The following SLMAP variants were observed in gnomAD, a reference collection of about 807,000 sequenced individuals.
The protein encoded by SLMAP is sarcolemmal membrane-associated protein.
SLMAP carries 44 observed loss-of-function variants against 128.8 expected under a neutral mutation model. The ratio of observed to expected loss-of-function variants is 0.34; its 90% confidence interval spans 0.27 to 0.44. SLMAP has a LOEUF of 0.44. Among genes scored for constraint, SLMAP ranks in the 20% least tolerant of loss-of-function variants. The pLI is 1.00. For missense variants in SLMAP, 787 were observed against 985.3 expected, an observed-to-expected ratio of 0.80 and a Z score of 2.69; for synonymous variants, 327 against 348.8, an observed-to-expected ratio of 0.94 and a Z score of 0.70.
At chr3:57,779,519 A>AC (rs2082583079) in intron 2 of SLMAP, among the ~76,000 whole-genome samples, 1 of 151,746 alleles carries the variant, frequency 6.6e-6, no homozygotes, top group African/African-American at 2.4e-5. Flanking sequence ...AAAAAAAAAA[A>AC]AAAAAACAAA....
chr3:57,879,528 A>G (rs932523525), intron 14 of SLMAP, among the ~76,000 whole-genome samples: 1 of 152,198 alleles, frequency 6.6e-6, no homozygotes, highest in African/African-American at 2.4e-5. Flanking sequence ...GCGGAAAAAA[A>G]GCCTGACACA....
chr3:57,904,508 C>G lies in SLMAP; in HGVS notation c.1502-3376C>G, dbSNP rs183454765. ...ACCTCAGTATACATTTCTTATTTATCTTATGTAACTACCATACAATTCTCA... is the reference window on the plus strand; with the variant it reads ...ACCTCAGTATACATTTCTTATTTATGTTATGTAACTACCATACAATTCTCA... On this transcript the variant is annotated intron_variant, in intron 17 of 24. Transcript: ENST00000671191. Among the ~76,000 whole-genome samples the G allele has an allele frequency of 1.7e-4, 26 of 152,338 alleles. No homozygotes were observed. In the East Asian group the frequency reaches 4.4e-3, roughly 26 times the overall value.
intron 17 of SLMAP, 84 bp from the exon 18 acceptor site, chr3:57,907,800 A>C (rs1375498218): frequency 1.5e-6 from 2 of 1,338,250 alleles, no homozygotes; most frequent in East Asian, 2.5e-5. Flanking sequence ...TGCATGTGCA[A>C]ACATGAGAGA....
chr3:57,839,368 T>C (rs900318419), intron 3 of SLMAP, among the ~76,000 whole-genome samples: 2 of 152,104 alleles, frequency 1.3e-5, no homozygotes, highest in African/African-American at 4.8e-5. Flanking sequence ...TATTACTTCA[T>C]GTTTATAATA....
At chr3:57,856,664 TG>T (rs144769092) in intron 6 of SLMAP, among the ~76,000 whole-genome samples, 8,686 of 152,266 alleles carry the variant, frequency 0.057, 357 homozygotes, top group Non-Finnish European at 0.092. Context: ...TTACAGTTAA[TG>T]TTTTTTTCTT....
chr3:57,776,528 T>C (rs149181868), intron 2 of SLMAP, among the ~76,000 whole-genome samples: 4 of 120,776 alleles, frequency 3.3e-5, no homozygotes, highest in Middle Eastern at 4.2e-3. Flanking sequence ...CTCTCTTTTT[T>C]TTTTTTTTTT....
intron 2 of SLMAP, among the ~76,000 whole-genome samples, chr3:57,826,088 C>G (rs543844811): frequency 2.0e-5 from 3 of 152,216 alleles, no homozygotes; most frequent in Non-Finnish European, 4.4e-5. Flanking sequence ...TTTATTTACT[C>G]TAAGGCATTA....
chr3:57,848,150 T>C (rs1474233042), intron 5 of SLMAP, among the ~76,000 whole-genome samples: 2 of 152,064 alleles, frequency 1.3e-5, no homozygotes, highest in Non-Finnish European at 2.9e-5. Context: ...GTAGTCCTTC[T>C]TCCTTCTTCT....
chr3:57,768,821 G>A (rs2080239527), intron 2 of SLMAP, among the ~76,000 whole-genome samples: 1 of 151,968 alleles, frequency 6.6e-6, no homozygotes, highest in African/African-American at 2.4e-5. Context: ...TAAAAAAAAA[G>A]ACTGAGGTCC....
rs765710900 is a variant in SLMAP, at chr3:57,865,169, C to T, written c.1187-73C>T. Reference sequence around the variant, plus strand: ...TCTTAATCTTAGGAATGCAGAATGCCATGGTTACACTTGAGACCACATTTA... The same window carrying T: ...TCTTAATCTTAGGAATGCAGAATGCTATGGTTACACTTGAGACCACATTTA... On this transcript the variant is annotated intron_variant, in intron 12 of 24. Transcript: ENST00000671191. 2.3e-5 allele frequency: 18 copies of T among 773,562 alleles called. 1 individual carries two copies. In the African/African-American group the frequency reaches 2.7e-4, roughly 11 times the overall value. 47.9% of individuals were successfully genotyped at this position (773,562 alleles called of 1,614,324 possible).
intron 22 of SLMAP, chr3:57,918,176 G>C (rs1221546305): frequency 6.6e-6 from 1 of 152,064 alleles, no homozygotes; most frequent in East Asian, 1.9e-4. Flanking sequence ...TATTTGGTTG[G>C]AACACAAATT....
intron 6 of SLMAP, among the ~76,000 whole-genome samples, chr3:57,850,874 A>G (rs1027407738): frequency 1.6e-4 from 24 of 152,070 alleles, no homozygotes; most frequent in African/African-American, 4.3e-4. Flanking sequence ...AGCTCAGGCA[A>G]TACACCCACT....
At chr3:57,794,039 C>T (rs905907779) in intron 2 of SLMAP, among the ~76,000 whole-genome samples, 1 of 152,042 alleles carries the variant, frequency 6.6e-6, no homozygotes, top group African/African-American at 2.4e-5. Flanking sequence ...TGTATTCCAG[C>T]CTGGGTAACA....
At chr3:57,773,454 A>G (rs2081265724) in intron 2 of SLMAP, among the ~76,000 whole-genome samples, 1 of 152,216 alleles carries the variant, frequency 6.6e-6, no homozygotes, top group African/African-American at 2.4e-5. Context: ...TTTACTTAAA[A>G]TCACTGTTTC....
At chr3:57,789,285 G>T (rs1416121001) in intron 2 of SLMAP, among the ~76,000 whole-genome samples, 4 of 152,088 alleles carry the variant, frequency 2.6e-5, no homozygotes, top group Admixed American at 2.6e-4. Context: ...GCGGGGCGAG[G>T]GTAGAGAGAG....
At chr3:57,762,239 G>A (rs2078827261) in intron 2 of SLMAP, among the ~76,000 whole-genome samples, 1 of 151,504 alleles carries the variant, frequency 6.6e-6, no homozygotes, top group Admixed American at 6.6e-5. Flanking sequence ...ATGGTGGCAT[G>A]TGCCTGCAAT....
chr3:57,883,372 A>C (rs114191463), intron 14 of SLMAP, among the ~76,000 whole-genome samples: 1 of 152,194 alleles, frequency 6.6e-6, no homozygotes, highest in Non-Finnish European at 1.5e-5. Flanking sequence ...AACATTTAGA[A>C]ATTACTCAAG....
chr3:57,881,851 G>A (rs2095752793), intron 14 of SLMAP, among the ~76,000 whole-genome samples: 1 of 152,094 alleles, frequency 6.6e-6, no homozygotes, highest in Non-Finnish European at 1.5e-5. Context: ...CAGCTAATTA[G>A]CCAGGAGCAG....
At chr3:57,909,273 G>T in intron 19 of SLMAP, 123 bp downstream of exon 19, 4 of 662,834 alleles carry the variant, frequency 6.0e-6, no homozygotes, top group Non-Finnish European at 1.0e-5. Context: ...AGGCCGAGAA[G>T]GGTGGATCTC....
Sources: allele counts gnomAD v4.1 joint callset (sites outside exome capture counted in the v4.1 genomes callset), GRCh38; gene constraint gnomAD v4.1.1; transcripts MANE v1.5; gene names NCBI Gene and HGNC (gene_info 2026-07-23, HGNC 2026-07-21).